Variants in DTD1 observed in about 807,000 individuals in gnomAD.
DTD1 encodes D-tyrosyl-tRNA deacylase 1 homolog.
Under a neutral mutation model 25.6 loss-of-function variants are expected in DTD1, and 13 were observed. The ratio of observed to expected loss-of-function variants is 0.51; its 90% confidence interval spans 0.33 to 0.81. DTD1 has a LOEUF of 0.81. DTD1 is among the 30% of genes least tolerant of loss of function. DTD1 has a pLI of 0.02. For synonymous variants in DTD1, 110 were observed against 103.6 expected, an observed-to-expected ratio of 1.06 and a Z score of -0.37; for missense variants, 193 against 266.4, an observed-to-expected ratio of 0.72 and a Z score of 1.92.
intron 4 of DTD1, among the ~76,000 whole-genome samples, chr20:18,652,768 A>G (rs1470686858): frequency 6.6e-6 from 1 of 152,230 alleles, no homozygotes; most frequent in East Asian, 1.9e-4. Context: ...TTCCATCAGT[A>G]TGAAGCAGTA....
At chr20:18,746,370 T>C (rs2061300196) in intron 5 of DTD1, among the ~76,000 whole-genome samples, 1 of 152,156 alleles carries the variant, frequency 6.6e-6, no homozygotes, top group Non-Finnish European at 1.5e-5. Flanking sequence ...AGTGTACCTA[T>C]GAAATGGCTT....
chr20:18,668,770 T>C (rs1346556644), intron 4 of DTD1, among the ~76,000 whole-genome samples: 3 of 152,236 alleles, frequency 2.0e-5, no homozygotes, highest in African/African-American at 7.2e-5. Flanking sequence ...TGTTCTTTCT[T>C]GAGGAAACTA....
At chr20:18,730,917 C>T (rs2061237391) in intron 4 of DTD1, among the ~76,000 whole-genome samples, 1 of 152,176 alleles carries the variant, frequency 6.6e-6, no homozygotes. Flanking sequence ...TGGACATTGT[C>T]CTGTCCTAGT....
chr20:18,761,852 A>T (rs2061364346), intron 5 of DTD1, among the ~76,000 whole-genome samples: 1 of 152,242 alleles, frequency 6.6e-6, no homozygotes, highest in South Asian at 2.1e-4. Context: ...CAATGTAAGA[A>T]CAAATGGGTT....
At chr20:18,670,530 A>G (rs942472106) in intron 4 of DTD1, among the ~76,000 whole-genome samples, 7 of 152,232 alleles carry the variant, frequency 4.6e-5, no homozygotes, top group Admixed American at 2.0e-4. Context: ...CAATTAAATT[A>G]TCAACTTCTT....
chr20:18,700,780 C>T (rs141720294), intron 4 of DTD1, among the ~76,000 whole-genome samples: 3 of 152,186 alleles, frequency 2.0e-5, no homozygotes, highest in African/African-American at 7.2e-5. Context: ...AAGACTTGGA[C>T]TAAGGTTCCT....
intron 4 of DTD1, among the ~76,000 whole-genome samples, chr20:18,667,167 C>T (rs1290072536): frequency 3.3e-5 from 5 of 152,194 alleles, no homozygotes; most frequent in African/African-American, 1.2e-4. Context: ...TAAAAGGAAA[C>T]CCGACCTCTC....
At chr20:18,651,576 T>C (rs892200686) in intron 4 of DTD1, among the ~76,000 whole-genome samples, 6 of 152,196 alleles carry the variant, frequency 3.9e-5, no homozygotes, top group Non-Finnish European at 8.8e-5. Flanking sequence ...CTGCCCCCTT[T>C]GAGAGTTCTG....
At chr20:18,757,269 C>A (rs2061342920) in intron 5 of DTD1, among the ~76,000 whole-genome samples, 1 of 152,214 alleles carries the variant, frequency 6.6e-6, no homozygotes, top group Non-Finnish European at 1.5e-5. Flanking sequence ...TTATTTCCTT[C>A]TCTTGCCTGA....
At chr20:18,759,642 A>G (rs2061353420) in intron 5 of DTD1, among the ~76,000 whole-genome samples, 1 of 152,174 alleles carries the variant, frequency 6.6e-6, no homozygotes, top group African/African-American at 2.4e-5. Flanking sequence ...GGGTAACCCA[A>G]CCTTTCTCTC....
chr20:18,609,320 A>G (rs1353507354), intron 3 of DTD1, among the ~76,000 whole-genome samples: 2 of 143,144 alleles, frequency 1.4e-5, no homozygotes, highest in Non-Finnish European at 3.1e-5. Context: ...TTTTTTTTGT[A>G]TTTTTTTTTT....
chr20:18,698,759 G>C (rs1428327155), intron 4 of DTD1: 2 of 152,218 alleles, frequency 1.3e-5, no homozygotes, highest in African/African-American at 2.4e-5. Context: ...ATGGCTGAAA[G>C]TCACAGTCAA....
chr20:18,726,807 CT>C (rs1248506613), intron 4 of DTD1, among the ~76,000 whole-genome samples: 1 of 152,210 alleles, frequency 6.6e-6, no homozygotes, highest in Non-Finnish European at 1.5e-5. Flanking sequence ...ATGCATTGTA[CT>C]TTTGCTCACA....
At chr20:18,734,281 G>A (rs938874361) in intron 4 of DTD1, among the ~76,000 whole-genome samples, 6 of 152,322 alleles carry the variant, frequency 3.9e-5, no homozygotes, top group Middle Eastern at 6.8e-3. Context: ...ACAGGGAGAA[G>A]CCAAAGGTCA....
At chr20:18,696,348 G>A (rs1352077935) in intron 4 of DTD1, among the ~76,000 whole-genome samples, 2 of 152,144 alleles carry the variant, frequency 1.3e-5, no homozygotes, top group South Asian at 4.1e-4. Flanking sequence ...GACCAGGAAA[G>A]ATGACATCTG....
intron 4 of DTD1, among the ~76,000 whole-genome samples, chr20:18,708,244 A>ATATATATATTTTAT (rs370120832): frequency 4.8e-5 from 2 of 41,406 alleles, no homozygotes; most frequent in African/African-American, 2.6e-4. Flanking sequence ...ATATATATAT[A>ATATATATATTTTAT]ATATATATTA....
chr20:18,696,134 C>T (rs759959057), intron 4 of DTD1, among the ~76,000 whole-genome samples: 1 of 152,146 alleles, frequency 6.6e-6, no homozygotes, highest in African/African-American at 2.4e-5. Context: ...ACCCAGGCTG[C>T]GTTGTCTTCT....
intron 3 of DTD1, among the ~76,000 whole-genome samples, chr20:18,600,667 A>G (rs2060630145): frequency 6.6e-6 from 1 of 152,188 alleles, no homozygotes; most frequent in East Asian, 1.9e-4. Context: ...TTGGGATTGC[A>G]TTGAGTCTGT....
chr20:18,609,101 A>G (rs6081242), intron 3 of DTD1, among the ~76,000 whole-genome samples: 19,460 of 152,022 alleles, frequency 0.13, 1,609 homozygotes, highest in Non-Finnish European at 0.18. Context: ...GTTGAACTGC[A>G]GTATCTGTTG....
Sources: gnomAD v4.1 joint callset for allele counts (sites outside exome capture counted in the v4.1 genomes callset) on GRCh38, gnomAD v4.1.1 for gene constraint, MANE v1.5 for transcripts, NCBI Gene and HGNC (gene_info 2026-07-23, HGNC 2026-07-21) for gene names.